Variants in EDIL3 observed in about 807,000 individuals in gnomAD.
EDIL3 encodes the protein EGF-like repeat and discoidin I-like domain-containing protein 3.
Under a neutral mutation model 67.4 loss-of-function variants are expected in EDIL3, and 37 were observed. The observed-to-expected ratio is 0.55, with a 90% CI of 0.42 to 0.72. EDIL3 has a LOEUF of 0.72. Ranked by LOEUF, EDIL3 falls within the 30% of genes least tolerant of loss-of-function variation. The probability of loss-of-function intolerance (pLI) is 0.00; values close to 1 mark genes in which losing one functional copy is unlikely to be tolerated. For synonymous variants in EDIL3, 195 were observed against 196.3 expected (o/e 0.99, Z 0.05); for missense variants, 527 against 586.3 (o/e 0.90, Z 1.04).
chr5:84,193,630 A>G (rs1743638000), intron 3 of EDIL3, among the ~76,000 whole-genome samples: 1 of 151,958 alleles, frequency 6.6e-6, no homozygotes, highest in Non-Finnish European at 1.5e-5. Flanking sequence ...TCAAGACTCA[A>G]TTTAATAGCT....
At chr5:84,077,113 A>C (rs188683355) in intron 6 of EDIL3, among the ~76,000 whole-genome samples, 2 of 152,232 alleles carry the variant, frequency 1.3e-5, no homozygotes, top group African/African-American at 4.8e-5. Flanking sequence ...AAGTGTGTAA[A>C]ATAGAGATAA....
chr5:84,174,999 G>A (rs1748878549), intron 4 of EDIL3, among the ~76,000 whole-genome samples: 1 of 152,172 alleles, frequency 6.6e-6, no homozygotes, highest in Non-Finnish European at 1.5e-5. Flanking sequence ...TAAGCTAGGT[G>A]GAGACTGCCA....
chr5:84,132,644 G>A (rs1748013692), intron 5 of EDIL3, among the ~76,000 whole-genome samples: 1 of 134,386 alleles, frequency 7.4e-6, no homozygotes, highest in Non-Finnish European at 1.5e-5. Context: ...CTATGTTTAT[G>A]TGCTTGGAAA....
intron 1 of EDIL3, among the ~76,000 whole-genome samples, chr5:84,331,788 C>T (rs893093464): frequency 6.6e-6 from 1 of 151,972 alleles, no homozygotes; most frequent in African/African-American, 2.4e-5. Context: ...TAGTACAGAG[C>T]CTATTCATTT....
chr5:84,284,383 C>T (rs139351668), intron 1 of EDIL3, among the ~76,000 whole-genome samples: 19 of 152,174 alleles, frequency 1.2e-4, no homozygotes, highest in Middle Eastern at 3.4e-3. Context: ...ATTTCTCCTA[C>T]GGCATGGCTA....
chr5:84,121,077 C>T (rs147220642), intron 5 of EDIL3, among the ~76,000 whole-genome samples: 11 of 151,928 alleles, frequency 7.2e-5, no homozygotes, highest in African/African-American at 2.2e-4. Context: ...CTACAGTATA[C>T]GTTATCTGTA....
At chr5:84,132,391 ATAT>A (rs1561440609) in intron 5 of EDIL3, among the ~76,000 whole-genome samples, 4 of 78,980 alleles carry the variant, frequency 5.1e-5, no homozygotes, top group Non-Finnish European at 6.6e-5. Flanking sequence ...AATATATTTT[ATAT>A]ATAATATATA....
chr5:84,262,085 G>A (rs987069625), intron 1 of EDIL3, among the ~76,000 whole-genome samples: 36 of 152,234 alleles, frequency 2.4e-4, no homozygotes, highest in Non-Finnish European at 2.9e-5. Flanking sequence ...AAACACTCTG[G>A]AAAGTCCCTT....
intron 1 of EDIL3, among the ~76,000 whole-genome samples, chr5:84,271,153 T>C (rs746762569): frequency 6.6e-6 from 1 of 152,160 alleles, no homozygotes; most frequent in Non-Finnish European, 1.5e-5. Flanking sequence ...TTAATAAGTA[T>C]TGTAATATGA....
intron 9 of EDIL3, among the ~76,000 whole-genome samples, chr5:83,972,672 G>C (rs73771555): frequency 2.6e-5 from 4 of 151,876 alleles, no homozygotes; most frequent in Non-Finnish European, 5.9e-5. Context: ...CCATGTATAC[G>C]AATGAAAGTC....
chr5:84,314,964 G>A (rs772798220), intron 1 of EDIL3, among the ~76,000 whole-genome samples: 2 of 151,998 alleles, frequency 1.3e-5, no homozygotes, highest in African/African-American at 4.8e-5. Context: ...GTAATAGGAA[G>A]CATAATGTGT....
chr5:84,372,714 T>C (rs1023664594), intron 1 of EDIL3, among the ~76,000 whole-genome samples: 1 of 152,198 alleles, frequency 6.6e-6, no homozygotes, highest in Non-Finnish European at 1.5e-5. Context: ...GATTACTTAT[T>C]CTATTCTCAG....
At chr5:84,246,226 T>C (rs1482208592) in intron 2 of EDIL3, among the ~76,000 whole-genome samples, 1 of 152,368 alleles carries the variant, frequency 6.6e-6, no homozygotes, top group Non-Finnish European at 1.5e-5. Context: ...AAATTGCATA[T>C]ATTCCCCTCA....
At position 84,326,100 on chromosome 5, in the gene EDIL3, C is replaced by T. The variant is rs1322004638; in HGVS notation, c.67+58208G>A. Among the ~76,000 whole-genome samples, 5 of 152,112 alleles carry T rather than the reference C, an allele frequency of 3.3e-5. No homozygotes were observed. The East Asian group carries it at 7.7e-4, about 24-fold the overall frequency. ...ATGGAATTGAGTTAGTTATTGTAGGCGTAAGCTTGTTATAAAACCCAGTTT... is the reference window on the plus strand; with the variant it reads ...ATGGAATTGAGTTAGTTATTGTAGGTGTAAGCTTGTTATAAAACCCAGTTT... On this transcript the variant is annotated intron_variant, in intron 1 of 10. Coordinates refer to ENST00000296591, the MANE Select transcript of EDIL3 (RefSeq NM_005711.5).
intron 7 of EDIL3, 130 bp downstream of exon 7, chr5:84,066,321 A>G (rs548507897): frequency 1.2e-4 from 121 of 1,043,556 alleles, no homozygotes; most frequent in Middle Eastern, 3.1e-4. Context: ...CACTAGCCCA[A>G]TTAAAAACAA....
chr5:84,213,613 T>C (rs1004296487), intron 3 of EDIL3, among the ~76,000 whole-genome samples: 1 of 152,202 alleles, frequency 6.6e-6, no homozygotes, highest in Non-Finnish European at 1.5e-5. Context: ...AAACTCTAGA[T>C]ATTTTCTTAT....
intron 9 of EDIL3, among the ~76,000 whole-genome samples, chr5:83,996,452 A>G (rs894193620): frequency 7.9e-5 from 12 of 152,126 alleles, no homozygotes; most frequent in African/African-American, 2.9e-4. Context: ...TGTATTCTCA[A>G]ATTAAGAGCC....
At chr5:84,133,948 A>C (rs1748043491) in intron 5 of EDIL3, among the ~76,000 whole-genome samples, 1 of 152,026 alleles carries the variant, frequency 6.6e-6, no homozygotes, top group South Asian at 2.1e-4. Context: ...ATTAGAAAAT[A>C]ATTACTTAAA....
At chr5:84,245,367 TAAGTGAGCATAAGTCCA>T in intron 2 of EDIL3, among the ~76,000 whole-genome samples, 1 of 152,316 alleles carries the variant, frequency 6.6e-6, no homozygotes, top group South Asian at 2.1e-4. Context: ...TTACTATGAA[TAAGTGAGCATAAGTCCA>T]TTAAGCTTCC....
Sources: gnomAD v4.1 joint callset for allele counts (sites outside exome capture counted in the v4.1 genomes callset) on GRCh38, gnomAD v4.1.1 for gene constraint, MANE v1.5 for transcripts, NCBI Gene and HGNC (gene_info 2026-07-23, HGNC 2026-07-21) for gene names.